Variants in TET3 observed in about 807,000 individuals in gnomAD.
The protein encoded by TET3 is tet methylcytosine dioxygenase 3.
In TET3, 19 loss-of-function variants were observed where a neutral mutation model predicts 141.4. That is an observed-to-expected ratio of 0.13 (90% CI 0.09 to 0.20). The LOEUF (loss-of-function observed/expected upper bound fraction) is 0.20. Ranked by LOEUF, TET3 falls within the 10% of genes least tolerant of loss-of-function variation. The probability of loss-of-function intolerance (pLI) is 1.00; values close to 1 mark genes in which losing one functional copy is unlikely to be tolerated. For synonymous variants in TET3, 1,043 were observed against 980.9 expected, an observed-to-expected ratio of 1.06 and a Z score of -1.18; for missense variants, 1,874 against 2,356.9, an observed-to-expected ratio of 0.80 and a Z score of 4.24.
chr2:74,073,471 C>A, intron 4 of TET3, 78 bp from the exon 5 acceptor site: 1 of 1,121,052 alleles, frequency 8.9e-7, no homozygotes, highest in Non-Finnish European at 1.3e-6. Flanking sequence ...TATTAACTTT[C>A]CTGTTGGTGG....
chr2:74,061,471 A>ACCC (rs570376590), intron 4 of TET3, among the ~76,000 whole-genome samples: 9 of 120,668 alleles, frequency 7.5e-5, no homozygotes, highest in African/African-American at 3.1e-4. Flanking sequence ...CGGGGGACTG[A>ACCC]CCCCCCCACC....
intron 4 of TET3, among the ~76,000 whole-genome samples, chr2:74,060,525 TTTA>T (rs771113567): frequency 2.0e-4 from 30 of 152,280 alleles, no homozygotes; most frequent in East Asian, 1.2e-3. Context: ...TTTTTTTAAA[TTTA>T]TTATTATTTT....
chr2:74,002,813 GGGGCCGGGGATGGCCGGGCGGACGC>G (rs1249377228), intron 2 of TET3: 13 of 570,400 alleles, frequency 2.3e-5, no homozygotes, highest in Non-Finnish European at 3.7e-5. Flanking sequence ...TAGAGCGCGC[GGGGCCGGGGATGGCCGGGCGGACGC>G]GGGCCGGGGG....
At chr2:74,004,356 ATGGAGGTGC>A (rs1487018744) in intron 3 of TET3, among the ~76,000 whole-genome samples, 1 of 152,146 alleles carries the variant, frequency 6.6e-6, no homozygotes, top group African/African-American at 2.4e-5. Context: ...GGGAAGCTCC[ATGGAGGTGC>A]TGGAAGTGGC....
intron 3 of TET3, among the ~76,000 whole-genome samples, chr2:74,035,682 G>A (rs1451243026): frequency 6.6e-6 from 1 of 151,932 alleles, no homozygotes; most frequent in Non-Finnish European, 1.5e-5. Context: ...AGCCGAGATC[G>A]TGCCATTGCA....
chr2:74,123,799 C>G, the TET3 span, among the ~76,000 whole-genome samples: 3 of 152,004 alleles, frequency 2.0e-5, no homozygotes, highest in African/African-American at 7.2e-5. Context: ...GCCGCCATCC[C>G]GTCTAGGAAG....
chr2:74,006,060 T>C (rs1438928372), intron 3 of TET3, among the ~76,000 whole-genome samples: 1 of 148,796 alleles, frequency 6.7e-6, no homozygotes, highest in Non-Finnish European at 1.5e-5. Flanking sequence ...GATCTCTGCC[T>C]TCTGTCTCTC....
In TET3 at chr2:74,104,039, G is replaced by A. The variant is rs1691373241; in HGVS notation, c.*1863G>A. ...ATCTGTTTGGAAGCACTGGCGGAGG[G>A]TCGTTGTAAGATGTCCTGAGCATTT... On this transcript the variant is annotated 3_prime_UTR_variant, in exon 12 of 12. Coordinates refer to ENST00000409262, the MANE Select transcript of TET3 (RefSeq NM_001287491.2). 1 of 153,714 alleles carries A rather than the reference G, an allele frequency of 6.5e-6. No individual in the cohort carries two copies. The allele number at this position is 153,714 out of a possible 1,614,324, so 9.5% of individuals were successfully genotyped here.
chr2:74,026,717 CCCT>C (rs1686383776), intron 3 of TET3, among the ~76,000 whole-genome samples: 1 of 151,628 alleles, frequency 6.6e-6, no homozygotes, highest in South Asian at 2.1e-4. Context: ...CGCAAACTTC[CCCT>C]CCAACTTTTT....
chr2:74,048,232 G>T lies in TET3; in HGVS notation c.2315G>T (p.Cys772Phe), dbSNP rs373227497. Residue 772 changes from cysteine (C) to phenylalanine (F), a missense_variant, in exon 4 of 12, where the codon TGC becomes TTC. Physicochemically the swap from Cys to Phe is radical, Grantham distance 205 (BLOSUM62 -2). Transcript: ENST00000409262. Reference sequence around the variant, plus strand: ...GCTGTGACTGTGCTCTCAACCACCTGCTTCCATTCAGAGGAGGGAGGACAG... The same window carrying T: ...GCTGTGACTGTGCTCTCAACCACCTTCTTCCATTCAGAGGAGGGAGGACAG... ...SGAVTVLSTTCFHSEEGGQEA... is the reference protein window; with the variant it reads ...SGAVTVLSTTFFHSEEGGQEA... The T allele has an allele frequency of 8.7e-6, 14 of 1,613,532 alleles. No individual in the cohort carries two copies. Among genetic ancestry groups the T allele is most frequent in the Non-Finnish European group, 9.3e-6 (11 of 1,179,782 alleles).
the TET3 span, chr2:74,123,193 A>G: frequency 2.0e-5 from 3 of 152,238 alleles, no homozygotes; most frequent in Admixed American, 2.0e-4. Context: ...CTTTGTCAAC[A>G]TTGATTTGGA....
chr2:74,013,286 G>A (rs1558711349), intron 3 of TET3, among the ~76,000 whole-genome samples: 1 of 151,424 alleles, frequency 6.6e-6, no homozygotes, highest in African/African-American at 2.4e-5. Context: ...GAGCCACCGC[G>A]CCTGGCCTGA....
At chr2:74,071,964 A>G (rs968352483) in intron 4 of TET3, among the ~76,000 whole-genome samples, 4 of 152,238 alleles carry the variant, frequency 2.6e-5, no homozygotes, top group Non-Finnish European at 5.9e-5. Flanking sequence ...TAACCATCTT[A>G]AAGTGAACAA....
intron 4 of TET3, among the ~76,000 whole-genome samples, chr2:74,062,341 TGTA>T (rs796923425): frequency 4.6e-5 from 7 of 152,194 alleles, no homozygotes; most frequent in South Asian, 2.1e-4. Context: ...ATGGGGAAGT[TGTA>T]GTATGGAGAG....
chr2:74,099,715 T>C, intron 11 of TET3, 103 bp downstream of exon 11: 1 of 1,215,438 alleles, frequency 8.2e-7, no homozygotes, highest in East Asian at 2.6e-5. Context: ...AACTGGGGCC[T>C]CTGCTTAATT....
chr2:74,080,696 G>T, intron 6 of TET3, 105 bp downstream of exon 6: 3 of 425,796 alleles, frequency 7.0e-6, no homozygotes, highest in South Asian at 2.3e-5. Context: ...GAGCAGGCGA[G>T]GGCGGGGGGT....
At chr2:74,108,501 T>C (rs1482881881), downstream of TET3, among the ~76,000 whole-genome samples, 6 of 152,240 alleles carry the variant, frequency 3.9e-5, no homozygotes, top group African/African-American at 1.4e-4. Context: ...CCTACTAAAA[T>C]TAACTTCTGA....
At chr2:74,134,772 C>T in the TET3 span, 1 of 456,634 alleles carries the variant, frequency 2.2e-6, no homozygotes. Context: ...CAGACCCAGA[C>T]ACCGTGACCA....
chr2:74,124,135 C>T, the TET3 span, among the ~76,000 whole-genome samples: 1 of 151,888 alleles, frequency 6.6e-6, no homozygotes, highest in Admixed American at 6.5e-5. Flanking sequence ...GGGGGCAGCC[C>T]CCGCCCCGCC....
Sources: allele counts gnomAD v4.1 joint callset (sites outside exome capture counted in the v4.1 genomes callset), GRCh38; gene constraint gnomAD v4.1.1; transcripts MANE v1.5; gene names NCBI Gene and HGNC (gene_info 2026-07-23, HGNC 2026-07-21).